IL16: variants seen among roughly 807,000 people sequenced by gnomAD.
IL16 encodes the protein interleukin 16.
In IL16, 67 loss-of-function variants were observed where a neutral mutation model predicts 110.1. The observed-to-expected ratio is 0.61, with a 90% CI of 0.50 to 0.75. The LOEUF (loss-of-function observed/expected upper bound fraction) is 0.75. Among genes scored for constraint, IL16 ranks in the 30% least tolerant of loss-of-function variants. The pLI, the probability that IL16 is intolerant of heterozygous loss-of-function variation, is 0.00. For missense variants in IL16, 1,545 were observed against 1,655.0 expected (o/e 0.93, Z 1.15); for synonymous variants, 689 against 662.9 (o/e 1.04, Z -0.61).
At chr15:81,305,119 T>G (rs1486127588) in intron 16 of IL16, among the ~76,000 whole-genome samples, 1 of 152,180 alleles carries the variant, frequency 6.6e-6, no homozygotes, top group African/African-American at 2.4e-5. Flanking sequence ...TTCTGCCAAA[T>G]GAGACCGAGA....
rs544100948 is a variant in IL16 at position 81,247,511 on chromosome 15, G to A, written c.313-12261G>A. On this transcript the variant is annotated intron_variant, in intron 2 of 18. Transcript: ENST00000683961. ...CAAAAATCAAAACCTTTTTCTTTTC[G>A]AGTAACTACATATTCACAAGAAGTT... is the stretch of plus-strand genomic sequence containing the variant. Among the ~76,000 whole-genome samples the A allele has an allele frequency of 5.9e-5, 9 of 151,900 alleles. No homozygotes were observed. In the East Asian group the frequency reaches 1.4e-3, roughly 23 times the overall value.
intron 6 of IL16, among the ~76,000 whole-genome samples, chr15:81,274,128 G>A (rs1898787262): frequency 6.6e-6 from 1 of 152,148 alleles, no homozygotes; most frequent in African/African-American, 2.4e-5. Flanking sequence ...ACTCTTCTCT[G>A]TCAGCTCGCT....
chr15:81,259,687 T>C, intron 2 of IL16, 85 bp from the exon 3 acceptor site: 1 of 783,390 alleles, frequency 1.3e-6, no homozygotes, highest in South Asian at 1.5e-5. Flanking sequence ...TGAGTACTTC[T>C]ATGGTCAGTG....
intron 1 of IL16, among the ~76,000 whole-genome samples, chr15:81,216,398 C>T (rs768234341): frequency 2.6e-4 from 40 of 152,302 alleles, no homozygotes; most frequent in Non-Finnish European, 4.6e-4. Flanking sequence ...AGCCTAATAG[C>T]GTTTGGGTAC....
chr15:81,245,550 T>A (rs1897509121), intron 2 of IL16, among the ~76,000 whole-genome samples: 1 of 152,124 alleles, frequency 6.6e-6, no homozygotes, highest in Admixed American at 6.6e-5. Context: ...AACGGCCGGG[T>A]TGGAGTAAGT....
intron 13 of IL16, 37 bp from the exon 14 acceptor site, chr15:81,299,343 T>C (rs367560848): frequency 8.1e-6 from 13 of 1,605,838 alleles, no homozygotes; most frequent in African/African-American, 1.3e-5. Flanking sequence ...CACTGTATGA[T>C]GTAATGCACA....
In IL16 at chr15:81,269,611, T is replaced by A. The variant is rs749694344; in HGVS notation, c.638T>A (p.Val213Asp). ...VQPSGGLQAS[V>D]ISNIVLMKGQ... ...CCATCTGGGGGCCTCCAGGCTTCAG[T>A]CATCTCCAACATCGTGCTGATGAAG... Residue 213 changes from valine (V) to aspartate (D), a missense_variant, in exon 5 of 19, where the codon GTC becomes GAC. Physicochemically the swap from Val to Asp is radical, Grantham distance 152. Coordinates refer to ENST00000683961, the MANE Select transcript of IL16 (RefSeq NM_172217.5). 9.3e-6 allele frequency: 15 copies of A among 1,613,980 alleles called. No homozygotes were observed. The highest frequency in any genetic ancestry group is 1.2e-5 in the Non-Finnish European group (14 of 1,179,914).
At position 81,225,570 on chromosome 15, in the gene IL16, C is replaced by A; in HGVS notation, c.171C>A (p.Phe57Leu). The change falls in exon 2 of 19, where the codon TTC becomes TTA. Residue 57 changes from phenylalanine (F) to leucine (L), a missense_variant. Transcript: ENST00000683961. ...ISLAQGKEGI[F>L]HSSVQLADTS... ...TGGCCCAGGGCAAGGAGGGAATTTT[C>A]CACTCATCTGTGCAGCTGGCAGACA... 2 of 1,614,096 alleles carry A rather than the reference C, an allele frequency of 1.2e-6. No homozygotes were observed. The highest frequency in any genetic ancestry group is 1.7e-6 in the Non-Finnish European group (2 of 1,180,010).
intron 2 of IL16, among the ~76,000 whole-genome samples, chr15:81,232,224 TGATTGGA>T (rs1897031623): frequency 6.6e-6 from 1 of 152,124 alleles, no homozygotes; most frequent in South Asian, 2.1e-4. Context: ...CTGCAAAGTT[TGATTGGA>T]GATTTTTGTT....
At position 81,297,066 on chromosome 15, in the gene IL16, A is replaced by G. The variant is rs745364954; in HGVS notation, c.2041A>G (p.Arg681Gly). The stretch of plus-strand genomic sequence containing the variant: ...CACAGAGGGCGAGCCAGGGTGGAGA[A>G]GAGCCAGCCCAGGTAAGCTTTCATT... ...SSTEGEPGWR[R>G]ASPVTQTSPI... The change falls in exon 13 of 19, where the codon AGA becomes GGA. Residue 681 changes from arginine (R) to glycine (G), a missense_variant. By Grantham distance (125) the Arg-to-Gly change is moderately radical. Transcript: ENST00000683961. 1.2e-6 allele frequency: 2 copies of G among 1,611,962 alleles called. No individual in the cohort carries two copies. Among genetic ancestry groups the G allele is most frequent in the Non-Finnish European group, 1.7e-6 (2 of 1,179,236 alleles).
chr15:81,263,946 G>C (rs956988453), intron 3 of IL16, among the ~76,000 whole-genome samples: 1 of 152,110 alleles, frequency 6.6e-6, no homozygotes, highest in Admixed American at 6.6e-5. Context: ...ACTCCAGCAG[G>C]GTTCCCAAAG....
intron 6 of IL16, among the ~76,000 whole-genome samples, chr15:81,274,385 A>C (rs993412792): frequency 7.9e-5 from 12 of 152,360 alleles, no homozygotes; most frequent in African/African-American, 2.6e-4. Context: ...TGGGGACTCG[A>C]GCACGCTCAT....
Position 81,263,361 on chromosome 15 carries a change from T to TG in IL16, c.422-2298_422-2297insG, listed in dbSNP as rs1320100259. ...TTCAAAAACTATTTTTTTTTGTTTT[T>TG]TTTTTTTTTGCATTGGGTTGTAATA... On this transcript the variant is annotated intron_variant, in intron 3 of 18. Transcript: ENST00000683961. 2.4e-3 allele frequency among the ~76,000 whole-genome samples: 360 copies of TG among 151,832 alleles called. 2 individuals are homozygous for TG. The highest frequency in any genetic ancestry group is 7.9e-3 in the African/African-American group (325 of 41,318).
chr15:81,281,533 G>A (rs1014407633), intron 8 of IL16, among the ~76,000 whole-genome samples: 1 of 152,188 alleles, frequency 6.6e-6, no homozygotes, highest in Non-Finnish European at 1.5e-5. Flanking sequence ...TCTACACGTC[G>A]CTGGGATAGT....
intron 1 of IL16, among the ~76,000 whole-genome samples, chr15:81,186,515 T>G (rs1895421887): frequency 6.6e-6 from 1 of 152,220 alleles, no homozygotes; most frequent in African/African-American, 2.4e-5. Flanking sequence ...GTGGATAACT[T>G]CTCAGTTCCG....
At position 81,199,030 on chromosome 15, in the gene IL16, AATAT is replaced by A. The variant is rs60097662; in HGVS notation, c.-102+1906_-102+1909del. ...GGGAGACTCCATCTCAAAAAAAAAA[AATAT>A]ATATATATATATATATATATATATA... On this transcript the variant is annotated intron_variant, in intron 1 of 18. Transcript: ENST00000683961. Among the ~76,000 whole-genome samples, 329 of 103,982 alleles carry A rather than the reference AATAT, an allele frequency of 3.2e-3. 1 individual carries two copies. Among genetic ancestry groups the A allele is most frequent in the South Asian group, 5.3e-3 (16 of 3,046 alleles). The allele number at this position is 103,982 out of a possible 152,430, so 68.2% of individuals were successfully genotyped here. A position where few individuals can be genotyped will look rare whatever the true frequency, so the allele number is the denominator to read the frequency against.
chr15:81,225,895 G>T (rs1302703802), intron 2 of IL16, among the ~76,000 whole-genome samples, 184 bp downstream of exon 2: 3 of 152,174 alleles, frequency 2.0e-5, no homozygotes. Context: ...AGTGAATCAG[G>T]CTCAGTTAAC....
chr15:81,301,910 C>T (rs1021764137), intron 15 of IL16, among the ~76,000 whole-genome samples: 1 of 152,234 alleles, frequency 6.6e-6, no homozygotes. Context: ...TACAAGAGCT[C>T]TCACCTGGAG....
chr15:81,221,764 G>T (rs1410615361), intron 1 of IL16, among the ~76,000 whole-genome samples: 1 of 152,094 alleles, frequency 6.6e-6, no homozygotes, highest in African/African-American at 2.4e-5. Context: ...CTTGCCCCCT[G>T]GTTCATTGCC....
Sources: gnomAD v4.1 joint callset for allele counts (sites outside exome capture counted in the v4.1 genomes callset) on GRCh38, gnomAD v4.1.1 for gene constraint, MANE v1.5 for transcripts, NCBI Gene and HGNC (gene_info 2026-07-23, HGNC 2026-07-21) for gene names.